The following HOXC13 variants were observed in gnomAD, a reference collection of about 807,000 sequenced individuals.
HOXC13 encodes the protein homeobox C13.
HOXC13 carries 10 observed loss-of-function variants against 25.9 expected under a neutral mutation model. That is an observed-to-expected ratio of 0.39 (90% CI 0.24 to 0.65). The LOEUF (loss-of-function observed/expected upper bound fraction) is 0.65, where lower values mean the gene tolerates loss of function less well. Among genes scored for constraint, HOXC13 ranks in the 30% least tolerant of loss-of-function variants. HOXC13 has a pLI of 0.50. For missense variants in HOXC13, 439 were observed against 478.3 expected (o/e 0.92, Z 0.77); for synonymous variants, 233 against 217.1 (o/e 1.07, Z -0.64).
In HOXC13 at chr12:53,944,915, A is replaced by T. The variant is rs1030706677; in HGVS notation, c.737-85A>T. 10 of 1,563,970 alleles carry T rather than the reference A, an allele frequency of 6.4e-6. No homozygotes were observed. In the Admixed American group the frequency reaches 1.4e-4, roughly 21 times the overall value. On this transcript the variant is annotated intron_variant, in intron 1 of 1. Coordinates refer to ENST00000243056, the MANE Select transcript of HOXC13 (RefSeq NM_017410.3). ...TCTGGCCCCGTTGAGCCCCTGCCAGAACTCTGTGCCTAGGCAGCCTCGGGT... is the reference window on the plus strand; with the variant it reads ...TCTGGCCCCGTTGAGCCCCTGCCAGTACTCTGTGCCTAGGCAGCCTCGGGT...
At position 53,945,375 on chromosome 12, in the gene HOXC13, G is replaced by A; in HGVS notation, c.*119G>A. 2.4e-6 allele frequency: 3 copies of A among 1,255,366 alleles called. No homozygotes were observed. The highest frequency in any genetic ancestry group is 3.3e-6 in the Non-Finnish European group (3 of 903,630). The allele number at this position is 1,255,366 out of a possible 1,614,324, so 77.8% of individuals were successfully genotyped here. ...TTAATGTTAAGGAAAGAGAAGAACC[G>A]CGCCGCCCGGAGGCAGAGAGGCTCC... is the stretch of plus-strand genomic sequence containing the variant. On this transcript the variant is annotated 3_prime_UTR_variant, in exon 2 of 2. Coordinates refer to ENST00000243056, the MANE Select transcript of HOXC13 (RefSeq NM_017410.3). The surrounding 1 kb of genome is among the most constrained non-coding windows in gnomAD (Gnocchi z 4.4).
rs1181332512 is a variant in HOXC13 at position 53,938,991 on chromosome 12, G to C, written c.85G>C (p.Gly29Arg). ...YEDSAAESGI[G>R]GGGGGGGGGT... Reference sequence around the variant, plus strand: ...GGACAGCGCGGCGGAGAGCGGCATCGGCGGCGGCGGCGGAGGAGGAGGCGG... The same window carrying C: ...GGACAGCGCGGCGGAGAGCGGCATCCGCGGCGGCGGCGGAGGAGGAGGCGG... Residue 29 changes from glycine to arginine, a missense_variant, in exon 1 of 2, where the codon GGC becomes CGC. Transcript: ENST00000243056. The C allele has an allele frequency of 7.4e-6, 11 of 1,489,046 alleles. No homozygotes were observed. The highest frequency in any genetic ancestry group is 2.8e-5 in the East Asian group (1 of 36,116). The allele number at this position is 1,489,046 out of a possible 1,614,324, so 92.2% of individuals were successfully genotyped here.
In HOXC13 at chr12:53,939,370, A is replaced by G. The variant is rs757223922; in HGVS notation, c.464A>G (p.Glu155Gly). Reference protein sequence around the residue: ...CAYHPGDKYPEPSGALPGDDL... With the variant: ...CAYHPGDKYPGPSGALPGDDL... ...TACCACCCGGGCGATAAATACCCGG[A>G]GCCGTCGGGCGCCCTGCCCGGTGAC... is the stretch of plus-strand genomic sequence containing the variant. Residue 155 changes from glutamate (E) to glycine (G), a missense_variant, in exon 1 of 2, where the codon GAG (glutamate) becomes GGG (glycine). Physicochemically the swap from Glu to Gly is moderately conservative, Grantham distance 98. Coordinates refer to ENST00000243056, the MANE Select transcript of HOXC13 (RefSeq NM_017410.3). The surrounding 1 kb of genome is among the most constrained non-coding windows in gnomAD (Gnocchi z 6.7). 4 of 1,606,586 alleles carry G rather than the reference A, an allele frequency of 2.5e-6. No individual in the cohort carries two copies. The African/African-American group carries it at 4.0e-5, about 16-fold the overall frequency.
chr12:53,939,457 C>T lies in HOXC13; in HGVS notation c.551C>T (p.Ala184Val). The T allele has an allele frequency of 1.4e-5, 22 of 1,607,958 alleles. No individual in the cohort carries two copies. Among genetic ancestry groups the T allele is most frequent in the Non-Finnish European group, 1.8e-5 (21 of 1,178,986 alleles). ...CCCAGCTTCGCCAGCTCCTACCAGG[C>T]GATGCCCGGCTACCTGGACGTGTCG... ...FYPSFASSYQ[A>V]MPGYLDVSVV... is the part of the protein sequence containing the mutation. The change falls in exon 1 of 2, where the codon GCG becomes GTG. Residue 184 changes from alanine (A) to valine (V), a missense_variant. Coordinates refer to ENST00000243056, the MANE Select transcript of HOXC13 (RefSeq NM_017410.3). The surrounding 1 kb of genome is among the most constrained non-coding windows in gnomAD (Gnocchi z 6.7).
chr12:53,938,901 C>A lies in HOXC13; in HGVS notation c.-6C>A. On this transcript the variant is annotated 5_prime_UTR_variant, in exon 1 of 2. Transcript: ENST00000243056. Reference sequence around the variant, plus strand: ...GAGTTTTTAAAAAGCTCCAGCAGATCATGTCATGACGACTTCGCTGCTCCT... The same window carrying A: ...GAGTTTTTAAAAAGCTCCAGCAGATAATGTCATGACGACTTCGCTGCTCCT... 1 of 1,552,304 alleles carries A rather than the reference C, an allele frequency of 6.4e-7. No individual in the cohort carries two copies. The highest frequency in any genetic ancestry group is 2.5e-5 in the East Asian group (1 of 39,904).
At chr12:53,944,813 G>A (rs1412678504) in intron 1 of HOXC13, among the ~76,000 whole-genome samples, 187 bp from the exon 2 acceptor site, 1 of 152,130 alleles carries the variant, frequency 6.6e-6, no homozygotes, top group East Asian at 1.9e-4. Context: ...CGAGCCCAGT[G>A]GCCTCATCAT....
chr12:53,942,034 T>C (rs1405014342), intron 1 of HOXC13, among the ~76,000 whole-genome samples: 1 of 152,062 alleles, frequency 6.6e-6, no homozygotes, highest in East Asian at 1.9e-4. Flanking sequence ...GAGGCAATTG[T>C]TCAGCAAGAT....
In HOXC13 at chr12:53,945,092, A is replaced by G. The variant is rs1297877011; in HGVS notation, c.829A>G (p.Lys277Glu). 1 of 1,614,152 alleles carries G rather than the reference A, an allele frequency of 6.2e-7. No homozygotes were observed. Among genetic ancestry groups the G allele is most frequent in the East Asian group, 2.2e-5 (1 of 44,880 alleles). Reference protein sequence around the residue: ...YTKVQLKELEKEYAASKFITK... With the variant: ...YTKVQLKELEEEYAASKFITK... ...TAAGGTGCAGCTGAAGGAGCTAGAG[A>G]AGGAATACGCGGCTAGCAAGTTCAT... Residue 277 changes from lysine (K) to glutamate (E), a missense_variant, in exon 2 of 2, where the codon AAG becomes GAG. Coordinates refer to ENST00000243056, the MANE Select transcript of HOXC13 (RefSeq NM_017410.3). The surrounding 1 kb of genome is among the most constrained non-coding windows in gnomAD (Gnocchi z 4.4).
At position 53,945,037 on chromosome 12, in the gene HOXC13, G is replaced by C. The variant is rs762868948; in HGVS notation, c.774G>C (p.Arg258=). ...VPLQPEVSSY[R]RGRKKRVPYT... ...TGCAGCCCGAGGTGAGCAGCTACCG[G>C]CGCGGGCGCAAGAAACGCGTGCCCT... The change falls in exon 2 of 2, where the codon CGG becomes CGC. Residue 258 remains arginine (R), a synonymous_variant. Coordinates refer to ENST00000243056, the MANE Select transcript of HOXC13 (RefSeq NM_017410.3). The surrounding 1 kb of genome is among the most constrained non-coding windows in gnomAD (Gnocchi z 4.4). The C allele has an allele frequency of 6.2e-7, 1 of 1,614,036 alleles. No individual in the cohort carries two copies. Among genetic ancestry groups the C allele is most frequent in the South Asian group, 1.1e-5 (1 of 91,082 alleles).
rs1938583128 is a variant in HOXC13, at chr12:53,939,951, T to C, written c.736+309T>C. ...TGCAGGCTCCAGCCTCCCGCCGGGC[T>C]CTTGGCCCCTAAACCTGCTTCCGGC... is the stretch of plus-strand genomic sequence containing the variant. On this transcript the variant is annotated intron_variant, in intron 1 of 1. Transcript: ENST00000243056. The surrounding 1 kb of genome is among the most constrained non-coding windows in gnomAD (Gnocchi z 6.7). Among the ~76,000 whole-genome samples, 1 of 152,154 alleles carries C rather than the reference T, an allele frequency of 6.6e-6. No homozygotes were observed. The highest frequency in any genetic ancestry group is 2.4e-5 in the African/African-American group (1 of 41,446).
chr12:53,939,318 G>A lies in HOXC13; in HGVS notation c.412G>A (p.Val138Met). 1 of 1,590,214 alleles carries A rather than the reference G, an allele frequency of 6.3e-7. No individual in the cohort carries two copies. The highest frequency in any genetic ancestry group is 8.6e-7 in the Non-Finnish European group (1 of 1,169,562). ...CTACGGCTGCCGCCTGTCGCACAACGTGAACCTGCAGCAGAAGCCTTGCGC... is the reference window on the plus strand; with the variant it reads ...CTACGGCTGCCGCCTGTCGCACAACATGAACCTGCAGCAGAAGCCTTGCGC... ...SYYGCRLSHN[V>M]NLQQKPCAYH... The change falls in exon 1 of 2, where the codon GTG (valine) becomes ATG (methionine). Residue 138 changes from valine (V) to methionine (M), a missense_variant. Transcript: ENST00000243056. The surrounding 1 kb of genome is among the most constrained non-coding windows in gnomAD (Gnocchi z 6.7).
intron 1 of HOXC13, 23 bp from the exon 2 acceptor site, chr12:53,944,977 C>T: frequency 6.2e-7 from 1 of 1,611,824 alleles, no homozygotes; most frequent in Non-Finnish European, 8.5e-7. Flanking sequence ...TCACTTCTTC[C>T]CGCTTGCCTT....
In HOXC13 at chr12:53,939,491, C is replaced by G; in HGVS notation, c.585C>G (p.Pro195=). 6.2e-7 allele frequency: 1 copy of G among 1,610,040 alleles called. No individual in the cohort carries two copies. Among genetic ancestry groups the G allele is most frequent in the Non-Finnish European group, 8.5e-7 (1 of 1,179,556 alleles). ...MPGYLDVSVV[P]GISGHPEPRH... The stretch of plus-strand genomic sequence containing the variant: ...GCTACCTGGACGTGTCGGTGGTGCC[C>G]GGGATCAGCGGGCACCCGGAGCCGC... The change falls in exon 1 of 2, where the codon CCC becomes CCG. Residue 195 remains proline, a synonymous_variant. Transcript: ENST00000243056. The surrounding 1 kb of genome is among the most constrained non-coding windows in gnomAD (Gnocchi z 6.7).
In HOXC13 at chr12:53,939,726, C is replaced by A. The variant is rs529031755; in HGVS notation, c.736+84C>A. Reference sequence around the variant, plus strand: ...CGGGGCTCCGCGCCCCAACCACCCCCGCCGTCTGGCCCCGGCGCGCCCGCT... The same window carrying A: ...CGGGGCTCCGCGCCCCAACCACCCCAGCCGTCTGGCCCCGGCGCGCCCGCT... On this transcript the variant is annotated intron_variant, in intron 1 of 1. Coordinates refer to ENST00000243056, the MANE Select transcript of HOXC13 (RefSeq NM_017410.3). This position sits in a 1 kb window ranked among gnomAD's most constrained non-coding sequence, Gnocchi z 6.7. 8 of 1,256,936 alleles carry A rather than the reference C, an allele frequency of 6.4e-6. No homozygotes were observed. Among genetic ancestry groups the A allele is most frequent in the African/African-American group, 1.6e-5 (1 of 64,066 alleles). The allele number at this position is 1,256,936 out of a possible 1,614,324, so 77.9% of individuals were successfully genotyped here.
chr12:53,945,269 T>G lies in HOXC13; in HGVS notation c.*13T>G, dbSNP rs1179379773. 6.2e-7 allele frequency: 1 copy of G among 1,613,284 alleles called. No homozygotes were observed. Among genetic ancestry groups the G allele is most frequent in the African/African-American group, 1.3e-5 (1 of 74,970 alleles). ...CCACTCCACCTGACCACCCACCCGC[T>G]GCTTGCCCCATCTATTTATGTCTCC... is the stretch of plus-strand genomic sequence containing the variant. On this transcript the variant is annotated 3_prime_UTR_variant, in exon 2 of 2. Transcript: ENST00000243056. This position sits in a 1 kb window ranked among gnomAD's most constrained non-coding sequence, Gnocchi z 4.4.
Position 53,939,392 on chromosome 12 carries a change from T to C in HOXC13, c.486T>C (p.Gly162=). The change falls in exon 1 of 2, where the codon GGT becomes GGC. Residue 162 remains glycine, a synonymous_variant. Coordinates refer to ENST00000243056, the MANE Select transcript of HOXC13 (RefSeq NM_017410.3). The surrounding 1 kb of genome is among the most constrained non-coding windows in gnomAD (Gnocchi z 6.7). ...CGGAGCCGTCGGGCGCCCTGCCCGG[T>C]GACGACCTGTCCTCTAGGGCCAAGG... ...KYPEPSGALP[G]DDLSSRAKEF... is the part of the protein sequence containing the mutation. The C allele has an allele frequency of 1.9e-6, 3 of 1,605,712 alleles. No individual in the cohort carries two copies. The highest frequency in any genetic ancestry group is 2.5e-6 in the Non-Finnish European group (3 of 1,177,938).
intron 1 of HOXC13, among the ~76,000 whole-genome samples, chr12:53,940,731 C>T (rs1268927917): frequency 6.6e-6 from 1 of 152,128 alleles, no homozygotes; most frequent in Non-Finnish European, 1.5e-5. Context: ...AAGCAGAGCT[C>T]AGTGGGAGAG....
Position 53,945,838 on chromosome 12 carries a change from A to T in HOXC13, c.*582A>T, listed in dbSNP as rs1228715945. The T allele has an allele frequency of 2.6e-5, 6 of 235,188 alleles. No individual in the cohort carries two copies. Among genetic ancestry groups the T allele is most frequent in the Non-Finnish European group, 4.2e-5 (5 of 119,086 alleles). The allele number at this position is 235,188 out of a possible 1,614,324, so 14.6% of individuals were successfully genotyped here. ...ATTAGGGACCTGGCAGCGTGATTGG[A>T]GTATGGATGTTTCCGTAAAAGCTGG... On this transcript the variant is annotated 3_prime_UTR_variant, in exon 2 of 2. Transcript: ENST00000243056. This position sits in a 1 kb window ranked among gnomAD's most constrained non-coding sequence, Gnocchi z 4.4.
chr12:53,942,293 A>C (rs12422631), intron 1 of HOXC13, among the ~76,000 whole-genome samples: 23,926 of 150,288 alleles, frequency 0.16, 2,060 homozygotes, highest in South Asian at 0.32. Flanking sequence ...ACAGTGGGCT[A>C]TTTGGACCAC....
Sources: gnomAD v4.1 joint callset for allele counts (sites outside exome capture counted in the v4.1 genomes callset) on GRCh38, gnomAD v4.1.1 for gene constraint, Gnocchi (gnomAD v3.1) non-coding constraint, MANE v1.5 for transcripts, NCBI Gene and HGNC (gene_info 2026-07-23, HGNC 2026-07-21) for gene names.